The following NTM variants were observed in gnomAD, a reference collection of about 807,000 sequenced individuals.
The protein encoded by NTM is neurotrimin.
NTM carries 13 observed loss-of-function variants against 42.1 expected under a neutral mutation model. That is an observed-to-expected ratio of 0.31 (90% CI 0.20 to 0.49). NTM has a LOEUF of 0.49. Ranked by LOEUF, NTM falls within the 20% of genes least tolerant of loss-of-function variation. The pLI is 0.99. For synonymous variants in NTM, 187 were observed against 179.2 expected, an observed-to-expected ratio of 1.04 and a Z score of -0.35; for missense variants, 373 against 452.8, an observed-to-expected ratio of 0.82 and a Z score of 1.60.
chr11:132,018,960 T>A (rs1473368194), intron 2 of NTM, among the ~76,000 whole-genome samples: 2 of 151,984 alleles, frequency 1.3e-5, no homozygotes, highest in Admixed American at 6.6e-5. Context: ...TTTCTAGGAA[T>A]TTTCACATTT....
rs1214672484 is a variant in NTM, at chr11:132,138,076, C to G, written c.168-8206C>G. On this transcript the variant is annotated intron_variant, in intron 2 of 8. Transcript: ENST00000683400. ...GCTGGACATGCTGCACCTTACTCCTCCTTGCTGTTTACCAAGCTCTTTCCA... is the reference window on the plus strand; with the variant it reads ...GCTGGACATGCTGCACCTTACTCCTGCTTGCTGTTTACCAAGCTCTTTCCA... Among the ~76,000 whole-genome samples, 2 of 152,186 alleles carry G rather than the reference C, an allele frequency of 1.3e-5. 1 individual carries two copies. The highest frequency in any genetic ancestry group is 1.3e-4 in the Admixed American group (2 of 15,288).
chr11:131,992,232 C>CT (rs1264459174), intron 2 of NTM, among the ~76,000 whole-genome samples: 2 of 152,102 alleles, frequency 1.3e-5, no homozygotes. Flanking sequence ...AGTAAATCTA[C>CT]TTTTTTCTAT....
chr11:132,288,776 C>A (rs753396956), intron 4 of NTM, among the ~76,000 whole-genome samples: 2 of 152,010 alleles, frequency 1.3e-5, no homozygotes, highest in African/African-American at 4.8e-5. Flanking sequence ...CCCACCACCA[C>A]GCCCAGCTAA....
intron 2 of NTM, among the ~76,000 whole-genome samples, chr11:131,931,378 A>G (rs1487101636): frequency 2.0e-5 from 3 of 151,956 alleles, no homozygotes; most frequent in Non-Finnish European, 4.4e-5. Context: ...GGTCGAGGCT[A>G]CAGTGAACCG....
chr11:131,863,069 C>A (rs2046809320), intron 1 of NTM, among the ~76,000 whole-genome samples: 1 of 152,170 alleles, frequency 6.6e-6, no homozygotes, highest in Non-Finnish European at 1.5e-5. Context: ...TTTCATGGTA[C>A]CATATTGACT....
intron 1 of NTM, among the ~76,000 whole-genome samples, chr11:131,441,900 G>A (rs1450738868): frequency 1.3e-5 from 2 of 152,152 alleles, no homozygotes; most frequent in South Asian, 2.1e-4. Context: ...GTTCTTCCAG[G>A]AGATAGGGAA....
chr11:131,515,252 G>A (rs1332184152), intron 1 of NTM, among the ~76,000 whole-genome samples: 1 of 152,128 alleles, frequency 6.6e-6, no homozygotes, highest in Non-Finnish European at 1.5e-5. Context: ...CCAAGAATCA[G>A]AACCACTTGG....
At chr11:131,883,953 G>A (rs1001589623) in intron 1 of NTM, among the ~76,000 whole-genome samples, 2 of 152,172 alleles carry the variant, frequency 1.3e-5, no homozygotes, top group South Asian at 4.1e-4. Context: ...ACTGGGGGAG[G>A]AAGTGGCCAT....
chr11:131,593,520 C>T (rs751576348), intron 1 of NTM, among the ~76,000 whole-genome samples: 2 of 152,260 alleles, frequency 1.3e-5, no homozygotes, highest in South Asian at 2.1e-4. Flanking sequence ...TCCCCTGCCC[C>T]GCCCCCCTGC....
intron 1 of NTM, among the ~76,000 whole-genome samples, chr11:131,821,398 C>G (rs1344700357): frequency 6.6e-6 from 1 of 152,206 alleles, no homozygotes; most frequent in Non-Finnish European, 1.5e-5. Flanking sequence ...ACCCAGAGCT[C>G]TGAGCTGATA....
At chr11:131,458,484 T>A (rs1230821089) in intron 1 of NTM, among the ~76,000 whole-genome samples, 1 of 152,112 alleles carries the variant, frequency 6.6e-6, no homozygotes, top group Admixed American at 6.5e-5. Flanking sequence ...ACAAAATTCA[T>A]CTGTTCTCAT....
intron 2 of NTM, among the ~76,000 whole-genome samples, chr11:131,938,497 C>T (rs191158038): frequency 3.9e-5 from 6 of 152,344 alleles, no homozygotes; most frequent in African/African-American, 7.2e-5. Flanking sequence ...GGGCAGGGAC[C>T]GGCTTGTGCC....
intron 6 of NTM, among the ~76,000 whole-genome samples, chr11:132,311,064 G>T (rs547383359): frequency 7.9e-5 from 12 of 152,138 alleles, no homozygotes; most frequent in African/African-American, 2.7e-4. Flanking sequence ...AGCAAGGAGT[G>T]GGGGAGGCCA....
At chr11:132,156,011 T>G (rs986782389) in intron 3 of NTM, among the ~76,000 whole-genome samples, 1 of 152,058 alleles carries the variant, frequency 6.6e-6, no homozygotes, top group Admixed American at 6.5e-5. Context: ...AATAATAAAG[T>G]CTTTTGAAAT....
intron 1 of NTM, among the ~76,000 whole-genome samples, chr11:131,581,574 T>G (rs965206673): frequency 1.3e-4 from 20 of 152,292 alleles, no homozygotes; most frequent in African/African-American, 4.6e-4. Context: ...TAAGGGGTAC[T>G]TTATAGAGTT....
intron 1 of NTM, among the ~76,000 whole-genome samples, chr11:131,730,719 T>TAAAAAAAAAAAAAAAAAAAAA (rs2079541594): frequency 1.8e-5 from 2 of 108,774 alleles, no homozygotes; most frequent in African/African-American, 6.8e-5. Context: ...CCCTATCTGT[T>TAAAAAAAAAAAAAAAAAAAAA]AAAAGAAGAA....
intron 4 of NTM, among the ~76,000 whole-genome samples, chr11:132,306,675 A>G (rs2095095565): frequency 6.6e-6 from 1 of 152,196 alleles, no homozygotes; most frequent in African/African-American, 2.4e-5. Context: ...ATCATTAATT[A>G]CTAGCACCTC....
In NTM at chr11:131,486,064, G is replaced by T. The variant is rs748572490; in HGVS notation, c.82+115176G>T. Among the ~76,000 whole-genome samples, 3 of 152,068 alleles carry T rather than the reference G, an allele frequency of 2.0e-5. No homozygotes were observed. The East Asian group carries it at 5.8e-4, about 29-fold the overall frequency. On this transcript the variant is annotated intron_variant, in intron 1 of 8. Transcript: ENST00000683400. ...AATTTAAATACCAAGCAGAGGAACC[G>T]CCATTTACTGGACACTCAGTTGATA...
intron 1 of NTM, among the ~76,000 whole-genome samples, chr11:131,833,173 TA>T (rs747142806): frequency 6.6e-6 from 1 of 152,222 alleles, no homozygotes; most frequent in Non-Finnish European, 1.5e-5. Context: ...TTTCCTTAGC[TA>T]TATTGTGTGA....
Sources: allele counts gnomAD v4.1 joint callset (sites outside exome capture counted in the v4.1 genomes callset), GRCh38; gene constraint gnomAD v4.1.1; transcripts MANE v1.5; gene names NCBI Gene and HGNC (gene_info 2026-07-23, HGNC 2026-07-21).